IL1R1: variants seen among roughly 807,000 people sequenced by gnomAD.
IL1R1 encodes interleukin-1 receptor type 1.
Under a neutral mutation model 50.2 loss-of-function variants are expected in IL1R1, and 22 were observed. The ratio of observed to expected loss-of-function variants is 0.44; its 90% CI spans 0.31 to 0.63. The LOEUF (loss-of-function observed/expected upper bound fraction) is 0.63, where lower values mean the gene tolerates loss of function less well. IL1R1 is among the 20% of genes least tolerant of loss of function. The pLI is 0.07. For synonymous variants in IL1R1, 251 were observed against 236.7 expected, an observed-to-expected ratio of 1.06 and a Z score of -0.55; for missense variants, 509 against 676.2, an observed-to-expected ratio of 0.75 and a Z score of 2.74.
chr2:102,164,908 G>C lies in IL1R1; in HGVS notation c.196G>C (p.Val66Leu), dbSNP rs905031467. The C allele has an allele frequency of 6.2e-7, 1 of 1,614,084 alleles. No homozygotes were observed. The highest frequency in any genetic ancestry group is 8.5e-7 in the Non-Finnish European group (1 of 1,179,972). The change falls in exon 4 of 12, where the codon GTA (valine) becomes CTA (leucine). Residue 66 changes from valine (V) to leucine (L), a missense_variant. Transcript: ENST00000410023. Reference sequence around the variant, plus strand: ...GTATAAAGATGACAGCAAGACACCTGTATCTACAGAACAAGCCTCCAGGAT... The same window carrying C: ...GTATAAAGATGACAGCAAGACACCTCTATCTACAGAACAAGCCTCCAGGAT... ...TWYKDDSKTP[V>L]STEQASRIHQ...
chr2:102,167,706 C>T (rs951012883), intron 6 of IL1R1, among the ~76,000 whole-genome samples: 9 of 152,094 alleles, frequency 5.9e-5, no homozygotes, highest in Non-Finnish European at 2.9e-5. Context: ...CCTCTGCCTC[C>T]TTAAGTGCTG....
chr2:102,141,278 T>C (rs1459882611), upstream of IL1R1, among the ~76,000 whole-genome samples: 1 of 152,224 alleles, frequency 6.6e-6, no homozygotes, highest in Non-Finnish European at 1.5e-5. Context: ...TTAAAAACAC[T>C]GCCTTTTGGG....
At chr2:102,147,458 G>A (rs1189430171) in intron 1 of IL1R1, among the ~76,000 whole-genome samples, 1 of 152,144 alleles carries the variant, frequency 6.6e-6, no homozygotes, top group African/African-American at 2.4e-5. Context: ...TAGTGGCCTT[G>A]GCATCGTAGA....
chr2:102,082,647 C>T (rs1042264476), intron 1 of IL1R1, among the ~76,000 whole-genome samples: 5 of 140,644 alleles, frequency 3.6e-5, no homozygotes, highest in Non-Finnish European at 6.3e-5. Context: ...ACAGAACAAA[C>T]GCCCTGGAGA....
intron 9 of IL1R1, among the ~76,000 whole-genome samples, 169 bp downstream of exon 9, chr2:102,173,007 C>G (rs531359808): frequency 6.6e-6 from 1 of 152,318 alleles, no homozygotes; most frequent in African/African-American, 2.4e-5. Context: ...TTCTTGGAAG[C>G]TTTTCTGTCC....
At chr2:102,077,692 C>T (rs189928611) in intron 1 of IL1R1, among the ~76,000 whole-genome samples, 7 of 152,206 alleles carry the variant, frequency 4.6e-5, no homozygotes, top group East Asian at 1.9e-4. Context: ...TTTATTGGAT[C>T]GTAGGCATTG....
At chr2:102,097,590 A>G (rs1029551044) in intron 1 of IL1R1, among the ~76,000 whole-genome samples, 1 of 152,198 alleles carries the variant, frequency 6.6e-6, no homozygotes, top group African/African-American at 2.4e-5. Flanking sequence ...ATATTTAAAG[A>G]TAAGAGAATA....
intron 6 of IL1R1, among the ~76,000 whole-genome samples, chr2:102,168,197 TCA>T (rs1685367744): frequency 6.6e-6 from 1 of 152,188 alleles, no homozygotes; most frequent in East Asian, 1.9e-4. Context: ...ATTAACACAG[TCA>T]TTAAATGCAA....
chr2:102,114,947 C>T lies in IL1R1; in HGVS notation c.-84+10075C>T, dbSNP rs140155108. ...TTCTTGGCTGGGCCCCAGTCTGCCACGTCAGTGCTGAAAATGGACATTGCT... is the reference window on the plus strand; with the variant it reads ...TTCTTGGCTGGGCCCCAGTCTGCCATGTCAGTGCTGAAAATGGACATTGCT... On this transcript the variant is annotated intron_variant, in intron 1 of 10. Transcript: ENST00000409329. 5.9e-5 allele frequency among the ~76,000 whole-genome samples: 9 copies of T among 152,262 alleles called. No homozygotes were observed. The East Asian group carries it at 1.2e-3, about 20-fold the overall frequency.
chr2:102,101,606 C>T (rs1017738106), upstream of IL1R1, among the ~76,000 whole-genome samples: 2 of 152,154 alleles, frequency 1.3e-5, no homozygotes, highest in Admixed American at 6.5e-5. Context: ...ATTACAGCCA[C>T]ATTAAAGATA....
At chr2:102,089,674 T>G (rs1679575161) in intron 1 of IL1R1, among the ~76,000 whole-genome samples, 1 of 152,202 alleles carries the variant, frequency 6.6e-6, no homozygotes, top group Non-Finnish European at 1.5e-5. Context: ...TGTTTGTACC[T>G]CGTTGTCTTC....
chr2:102,102,364 T>TG (rs1037801126), upstream of IL1R1, among the ~76,000 whole-genome samples: 5 of 152,120 alleles, frequency 3.3e-5, no homozygotes, highest in African/African-American at 1.2e-4. Flanking sequence ...TAAGGGAGCT[T>TG]GGGGAAAGTA....
chr2:102,075,543 A>G (rs1378461369), intron 1 of IL1R1, among the ~76,000 whole-genome samples: 1 of 152,226 alleles, frequency 6.6e-6, no homozygotes, highest in African/African-American at 2.4e-5. Flanking sequence ...TTAGATTTCT[A>G]CTTTTAGAAT....
At chr2:102,133,061 G>A (rs1056452317) in intron 1 of IL1R1, among the ~76,000 whole-genome samples, 2 of 151,690 alleles carry the variant, frequency 1.3e-5, no homozygotes, top group African/African-American at 4.8e-5. Flanking sequence ...TGGCTAACAC[G>A]GTGAAACCCC....
chr2:102,110,295 T>A (rs1444657457), intron 1 of IL1R1, among the ~76,000 whole-genome samples: 1 of 152,214 alleles, frequency 6.6e-6, no homozygotes, highest in South Asian at 2.1e-4. Context: ...TCAGGCAATG[T>A]TGCGACCAGT....
upstream of IL1R1, among the ~76,000 whole-genome samples, chr2:102,139,594 G>T (rs1261474277): frequency 6.6e-6 from 1 of 152,240 alleles, no homozygotes; most frequent in Non-Finnish European, 1.5e-5. Context: ...TGGATCATGG[G>T]GGTAGATCCC....
At chr2:102,114,219 C>T (rs559961312) in intron 1 of IL1R1, among the ~76,000 whole-genome samples, 20 of 152,260 alleles carry the variant, frequency 1.3e-4, no homozygotes, top group African/African-American at 4.6e-4. Flanking sequence ...AAGCCCAAAT[C>T]AATACAAATG....
At position 102,175,446 on chromosome 2, in the gene IL1R1, G is replaced by C. The variant is rs757584575; in HGVS notation, c.1136-32G>C. 1.2e-5 allele frequency: 18 copies of C among 1,562,450 alleles called. 2 individuals carry two copies. The South Asian group carries it at 2.0e-4, about 18-fold the overall frequency. ...TTATCAAATCTCTTATTTTTGCCTT[G>C]TGGTTCTAAATACATTATGTTTTTC... On this transcript the variant is annotated intron_variant, in intron 10 of 11. Coordinates refer to ENST00000410023, the MANE Select transcript of IL1R1 (RefSeq NM_000877.4).
intron 1 of IL1R1, among the ~76,000 whole-genome samples, chr2:102,129,995 A>G (rs1681940611): frequency 6.6e-6 from 1 of 152,248 alleles, no homozygotes; most frequent in African/African-American, 2.4e-5. Context: ...TTATAAAAAC[A>G]ATTATTTTTA....
Sources: allele counts gnomAD v4.1 joint callset (sites outside exome capture counted in the v4.1 genomes callset), GRCh38; gene constraint gnomAD v4.1.1; transcripts MANE v1.5; gene names NCBI Gene and HGNC (gene_info 2026-07-23, HGNC 2026-07-21).